Variants in ZC3H12D observed in about 807,000 individuals in gnomAD.
ZC3H12D encodes zinc finger CCCH-type containing 12D.
A neutral mutation model predicts 24.2 loss-of-function variants in ZC3H12D; 11 were observed. The ratio of observed to expected loss-of-function variants is 0.46; its 90% CI spans 0.29 to 0.75. The LOEUF (loss-of-function observed/expected upper bound fraction) is 0.75. Ranked by LOEUF, ZC3H12D falls within the 30% of genes least tolerant of loss-of-function variation. The probability of loss-of-function intolerance (pLI) is 0.11; values close to 1 mark genes in which losing one functional copy is unlikely to be tolerated. For synonymous variants in ZC3H12D, 333 were observed against 341.8 expected (o/e 0.97, Z 0.28); for missense variants, 740 against 767.7 (o/e 0.96, Z 0.43).
At position 149,479,107 on chromosome 6, in the gene ZC3H12D, C is replaced by G. The variant is rs1326455622; in HGVS notation, c.-70-4494G>C. Among the ~76,000 whole-genome samples, 4 of 152,334 alleles carry G rather than the reference C, an allele frequency of 2.6e-5. No homozygotes were observed. In the East Asian group the frequency reaches 7.7e-4, roughly 29 times the overall value. Reference sequence around the variant, plus strand: ...AAGCACAGTGGCTTGTGCCTGTAATCCCAGCACTTTGGGAAGCTGAGGTGG... The same window carrying G: ...AAGCACAGTGGCTTGTGCCTGTAATGCCAGCACTTTGGGAAGCTGAGGTGG... On this transcript the variant is annotated intron_variant, in intron 1 of 5. Transcript: ENST00000409806.
intron 3 of ZC3H12D, among the ~76,000 whole-genome samples, chr6:149,460,544 A>G (rs1776054625): frequency 6.6e-6 from 1 of 152,062 alleles, no homozygotes; most frequent in Admixed American, 6.6e-5. Flanking sequence ...AAAAACAAAA[A>G]CTAGCTAGGG....
intron 1 of ZC3H12D, among the ~76,000 whole-genome samples, chr6:149,482,145 A>G (rs1776437639): frequency 6.6e-6 from 1 of 152,234 alleles, no homozygotes; most frequent in Non-Finnish European, 1.5e-5. Flanking sequence ...TTTTCACACT[A>G]AACTGAAAGA....
chr6:149,476,142 T>C (rs900201368), intron 1 of ZC3H12D, among the ~76,000 whole-genome samples: 3 of 152,196 alleles, frequency 2.0e-5, no homozygotes, highest in African/African-American at 4.8e-5. Context: ...TTTAGAGTTG[T>C]TTTGGTTTAG....
chr6:149,454,024 G>A (rs1775941284), intron 4 of ZC3H12D, among the ~76,000 whole-genome samples: 1 of 152,228 alleles, frequency 6.6e-6, no homozygotes, highest in Non-Finnish European at 1.5e-5. Flanking sequence ...TAGGAACAGG[G>A]AGTTTGAATC....
rs749154324 is a variant in ZC3H12D at position 149,451,403 on chromosome 6, G to C, written c.864C>G (p.Ala288=). 2.6e-6 allele frequency: 4 copies of C among 1,564,882 alleles called. No individual in the cohort carries two copies. Among genetic ancestry groups the C allele is most frequent in the East Asian group, 2.5e-5 (1 of 40,210 alleles). ...CCCCTGTCTTGGCGCGGAGCTCGTC[G>C]GCCACCGCCAGTTGCGCGTGGTGCG... ...ERPHHAQLAV[A]DELRAKTGAR... The change falls in exon 6 of 6, where the codon GCC becomes GCG. Residue 288 remains alanine, a synonymous_variant. Transcript: ENST00000409806.
At chr6:149,476,819 T>TAGAATAGAAC (rs1187875634) in intron 1 of ZC3H12D, among the ~76,000 whole-genome samples, 4 of 148,772 alleles carry the variant, frequency 2.7e-5, no homozygotes, top group African/African-American at 1.0e-4. Context: ...AAAAATAGAA[T>TAGAATAGAAC]AGAATAGAAT....
At chr6:149,471,304 G>A (rs557231325) in intron 2 of ZC3H12D, among the ~76,000 whole-genome samples, 29 of 152,352 alleles carry the variant, frequency 1.9e-4, no homozygotes, top group Middle Eastern at 3.4e-3. Flanking sequence ...TGGCTAGGAA[G>A]CACAGGTGGG....
intron 3 of ZC3H12D, among the ~76,000 whole-genome samples, chr6:149,461,354 AG>A (rs1482856622): frequency 1.3e-4 from 19 of 148,780 alleles, no homozygotes; most frequent in Non-Finnish European, 2.7e-4. Flanking sequence ...AAAAAAAAAA[AG>A]AAGAAGAAGA....
At chr6:149,458,415 G>A (rs1226604413) in intron 3 of ZC3H12D, among the ~76,000 whole-genome samples, 3 of 152,036 alleles carry the variant, frequency 2.0e-5, no homozygotes, top group African/African-American at 4.8e-5. Context: ...GATTACAGGC[G>A]TGAGTCACCA....
chr6:149,480,040 T>G (rs905962485), intron 1 of ZC3H12D, among the ~76,000 whole-genome samples: 1 of 151,938 alleles, frequency 6.6e-6, no homozygotes, highest in Non-Finnish European at 1.5e-5. Flanking sequence ...ATAACCACCC[T>G]CCCCTTCGCA....
intron 1 of ZC3H12D, among the ~76,000 whole-genome samples, chr6:149,482,547 G>A (rs559014934): frequency 3.3e-5 from 5 of 152,274 alleles, no homozygotes; most frequent in Non-Finnish European, 2.9e-5. Flanking sequence ...GGGTGGGTTC[G>A]GGGCGGCCTG....
intron 3 of ZC3H12D, among the ~76,000 whole-genome samples, chr6:149,458,745 G>A (rs956505246): frequency 2.6e-5 from 4 of 152,302 alleles, no homozygotes; most frequent in East Asian, 1.9e-4. Context: ...CAACCTTGCC[G>A]ATACTTGGCA....
At chr6:149,461,698 T>C in intron 3 of ZC3H12D, 133 bp downstream of exon 3, 1 of 1,005,232 alleles carries the variant, frequency 9.9e-7, no homozygotes, top group Admixed American at 2.8e-5. Context: ...AGTGCCTTCA[T>C]GGAGCTTATA....
chr6:149,481,117 G>T (rs562806359), intron 1 of ZC3H12D, among the ~76,000 whole-genome samples: 1 of 151,674 alleles, frequency 6.6e-6, no homozygotes, highest in African/African-American at 2.4e-5. Flanking sequence ...CAGGCTCTTC[G>T]CTCACCCAGA....
chr6:149,464,088 T>C (rs1583188007), intron 2 of ZC3H12D, among the ~76,000 whole-genome samples: 1 of 152,296 alleles, frequency 6.6e-6, no homozygotes, highest in Non-Finnish European at 1.5e-5. Context: ...ATGGACAGAA[T>C]TTCCTGCTCG....
In ZC3H12D at chr6:149,446,831, G is replaced by T. The variant is rs1284831022; in HGVS notation, c.*3852C>A. On this transcript the variant is annotated 3_prime_UTR_variant, in exon 6 of 6. Coordinates refer to ENST00000409806, the MANE Select transcript of ZC3H12D (RefSeq NM_207360.3). Reference sequence around the variant, plus strand: ...CTGGATCCATTTTATTTGGAAGAATGCCAATTAGAGTGGCTTGTCTTGCTT... The same window carrying T: ...CTGGATCCATTTTATTTGGAAGAATTCCAATTAGAGTGGCTTGTCTTGCTT... The T allele has an allele frequency of 6.6e-6, 1 of 152,208 alleles. No homozygotes were observed. The highest frequency in any genetic ancestry group is 1.5e-5 in the Non-Finnish European group (1 of 68,054). 9.4% of individuals were successfully genotyped at this position (152,208 alleles called of 1,614,324 possible).
rs1776075638 is a variant in ZC3H12D, at chr6:149,461,753, A to C, written c.445+78T>G. 3.5e-6 allele frequency: 5 copies of C among 1,417,106 alleles called. No homozygotes were observed. In the South Asian group the frequency reaches 6.8e-5, roughly 19 times the overall value. 87.8% of individuals were successfully genotyped at this position (1,417,106 alleles called of 1,614,324 possible). A position where few individuals can be genotyped will look rare whatever the true frequency, so the allele number is the denominator to read the frequency against. ...TATCATTAAACAAACAACTAAGTAG[A>C]TATTTGACTATCGATGTTAGAAGTG... On this transcript the variant is annotated intron_variant, in intron 3 of 5. Transcript: ENST00000409806.
chr6:149,450,386 C>T lies in ZC3H12D; in HGVS notation c.*297G>A. 2.7e-6 allele frequency: 1 copy of T among 366,560 alleles called. No homozygotes were observed. Among genetic ancestry groups the T allele is most frequent in the Admixed American group, 4.4e-5 (1 of 22,526 alleles). The allele number at this position is 366,560 out of a possible 1,614,324, so 22.7% of individuals were successfully genotyped here. On this transcript the variant is annotated 3_prime_UTR_variant, in exon 6 of 6. Transcript: ENST00000409806. ...GTGACCCACTAAATTGATTTTGTGACCCACTTGTGGGTTCTACTGCAGCTT... is the reference window on the plus strand; with the variant it reads ...GTGACCCACTAAATTGATTTTGTGATCCACTTGTGGGTTCTACTGCAGCTT...
Position 149,450,862 on chromosome 6 carries a change from C to T in ZC3H12D, c.1405G>A (p.Ala469Thr), listed in dbSNP as rs1775878184. Residue 469 changes from alanine (A) to threonine (T), a missense_variant, in exon 6 of 6, where the codon GCG becomes ACG. By Grantham distance (58) the Ala-to-Thr change is moderately conservative. Transcript: ENST00000409806. ...GCGTCCCCCTCGTCGTCCTCGGTCG[C>T]GTACACTGAAAGTCCCCCAGTGGCG... is the stretch of plus-strand genomic sequence containing the variant. The part of the protein sequence containing the change: ...DGATGGLSVY[A>T]TEDDEGDARA... 6 of 1,543,250 alleles carry T rather than the reference C, an allele frequency of 3.9e-6. No homozygotes were observed. The highest frequency in any genetic ancestry group is 5.2e-6 in the Non-Finnish European group (6 of 1,146,670).
Sources: gnomAD v4.1 joint callset for allele counts (sites outside exome capture counted in the v4.1 genomes callset) on GRCh38, gnomAD v4.1.1 for gene constraint, MANE v1.5 for transcripts, NCBI Gene and HGNC (gene_info 2026-07-23, HGNC 2026-07-21) for gene names.